ADAMTS5: variants seen among roughly 807,000 people sequenced by gnomAD.
ADAMTS5 encodes the protein A disintegrin and metalloproteinase with thrombospondin motifs 5.
Under a neutral mutation model 81.4 loss-of-function variants are expected in ADAMTS5, and 54 were observed. The observed-to-expected ratio is 0.66, with a 90% CI of 0.53 to 0.83. The LOEUF (loss-of-function observed/expected upper bound fraction) is 0.83, where lower values mean the gene tolerates loss of function less well. Among genes scored for constraint, ADAMTS5 ranks in the 40% least tolerant of loss-of-function variants. The pLI is 0.00. For synonymous variants in ADAMTS5, 532 were observed against 508.8 expected, an observed-to-expected ratio of 1.05 and a Z score of -0.61; for missense variants, 1,194 against 1,229.9, an observed-to-expected ratio of 0.97 and a Z score of 0.44.
In ADAMTS5 at chr21:26,965,915, C is replaced by T. The variant is rs147637613; in HGVS notation, c.477G>A (p.Lys159=). 34 of 1,613,764 alleles carry T rather than the reference C, an allele frequency of 2.1e-5. No homozygotes were observed. The highest frequency in any genetic ancestry group is 1.4e-4 in the South Asian group (13 of 91,088). The change falls in exon 1 of 8, where the codon AAG becomes AAA. Residue 159 remains lysine, a synonymous_variant. Transcript: ENST00000284987. ...GTGGCTTTAGGGTGTAGCGCGCGTG[C>T]TTGACCGCGAAGAAGCCGTCGAGAC... ...CGGLDGFFAV[K]HARYTLKPLL...
Position 26,965,732 on chromosome 21 carries a change from C to T in ADAMTS5, c.660G>A (p.Glu220=). Residue 220 remains glutamate, a synonymous_variant, in exon 1 of 8, where the codon GAG becomes GAA. Coordinates refer to ENST00000284987, the MANE Select transcript of ADAMTS5 (RefSeq NM_007038.5). ...TCGGGTTGCTGTGCGCCGGAGCATGCTCGTGGGCCTCCGGTGTGGACGCGG... is the reference window on the plus strand; with the variant it reads ...TCGGGTTGCTGTGCGCCGGAGCATGTTCGTGGGCCTCCGGTGTGGACGCGG... ...ETPASTPEAH[E]HAPAHSNPSG... The T allele has an allele frequency of 1.3e-6, 2 of 1,592,414 alleles. No homozygotes were observed. Among genetic ancestry groups the T allele is most frequent in the South Asian group, 1.1e-5 (1 of 87,994 alleles).
Position 26,967,039 on chromosome 21 carries a change from C to T in ADAMTS5, c.-648G>A, listed in dbSNP as rs939890708. Reference sequence around the variant, plus strand: ...TCGGCTGCGGTCTCCTCCTGCCCGCCGTCATCCCCAGTCGGCAGCTGCGAG... The same window carrying T: ...TCGGCTGCGGTCTCCTCCTGCCCGCTGTCATCCCCAGTCGGCAGCTGCGAG... On this transcript the variant is annotated 5_prime_UTR_variant, in exon 1 of 8. Transcript: ENST00000284987. Among the ~76,000 whole-genome samples the T allele has an allele frequency of 1.3e-5, 2 of 152,238 alleles. No individual in the cohort carries two copies. Among genetic ancestry groups the T allele is most frequent in the Non-Finnish European group, 2.9e-5 (2 of 68,046 alleles).
chr21:26,932,876 G>A lies in ADAMTS5; in HGVS notation c.1858C>T (p.Pro620Ser), dbSNP rs760080877. The A allele has an allele frequency of 3.2e-5, 51 of 1,611,918 alleles. No individual in the cohort carries two copies. The East Asian group carries it at 1.1e-3, about 34-fold the overall frequency. Residue 620 changes from proline to serine, a missense_variant, in exon 5 of 8, where the codon CCC (proline) becomes TCC (serine). Physicochemically the swap from Pro to Ser is moderately conservative, Grantham distance 74. Coordinates refer to ENST00000284987, the MANE Select transcript of ADAMTS5 (RefSeq NM_007038.5). Reference protein sequence around the residue: ...RAIYRSCSLMPCPPNGKSFRH... With the variant: ...RAIYRSCSLMSCPPNGKSFRH... ...AGCAGCGTACCATTGGGTGGGCAGG[G>A]CATGAGACTGCAGGAGCGGTAGATG...
At chr21:26,936,952 A>G (rs1040298409) in intron 3 of ADAMTS5, among the ~76,000 whole-genome samples, 8 of 152,212 alleles carry the variant, frequency 5.3e-5, no homozygotes, top group African/African-American at 1.9e-4. Flanking sequence ...TGAGTCTGCA[A>G]TAATGTTTTC....
At position 26,923,800 on chromosome 21, in the gene ADAMTS5, T is replaced by G; in HGVS notation, c.*253A>C. 1 of 406,514 alleles carries G rather than the reference T, an allele frequency of 2.5e-6. No individual in the cohort carries two copies. The highest frequency in any genetic ancestry group is 2.0e-5 in the African/African-American group (1 of 51,146). The allele number at this position is 406,514 out of a possible 1,614,324, so 25.2% of individuals were successfully genotyped here. On this transcript the variant is annotated 3_prime_UTR_variant, in exon 8 of 8. Coordinates refer to ENST00000284987, the MANE Select transcript of ADAMTS5 (RefSeq NM_007038.5). ...CAAATGTCCCCTGATTTTACATTCA[T>G]CAGTGTTTCTTGTAAGCCCAGGGGA...
intron 3 of ADAMTS5, among the ~76,000 whole-genome samples, chr21:26,938,754 T>C (rs1987062455): frequency 6.6e-6 from 1 of 152,200 alleles, no homozygotes; most frequent in Non-Finnish European, 1.5e-5. Context: ...GGTTTCAAAC[T>C]CCTGACCTCA....
At position 26,924,458 on chromosome 21, in the gene ADAMTS5, C is replaced by A; in HGVS notation, c.2388G>T (p.Glu796Asp). The A allele has an allele frequency of 2.5e-6, 4 of 1,614,204 alleles. No individual in the cohort carries two copies. The highest frequency in any genetic ancestry group is 3.4e-6 in the Non-Finnish European group (4 of 1,180,036). The change falls in exon 8 of 8, where the codon GAG becomes GAT. Residue 796 changes from glutamate (E) to aspartate (D), a missense_variant. By Grantham distance (45) the Glu-to-Asp change is conservative. Around this residue, in one of 2 missense-constraint regions of ADAMTS5, gnomAD observed 696 missense variants for 817.6 expected, o/e 0.85. Transcript: ENST00000284987. The stretch of plus-strand genomic sequence containing the variant: ...CTGTTCCATTGATGTCAATGATAGT[C>A]TCTGAAGTGGAGATCATGTACTTTC... ...INGKYMISTSETIIDINGTVM... is the reference protein window; with the variant it reads ...INGKYMISTSDTIIDINGTVM...
intron 3 of ADAMTS5, among the ~76,000 whole-genome samples, chr21:26,938,141 G>A (rs1987048507): frequency 6.6e-6 from 1 of 152,042 alleles, no homozygotes; most frequent in South Asian, 2.1e-4. Flanking sequence ...TCGGGAGGGA[G>A]GCTGAGGCAG....
At chr21:26,943,603 T>C in intron 2 of ADAMTS5, 56 bp from the exon 3 acceptor site, 1 of 1,519,296 alleles carries the variant, frequency 6.6e-7, no homozygotes, top group Non-Finnish European at 9.0e-7. Context: ...TTTCTATCTT[T>C]CCATGACAAT....
chr21:26,957,985 A>G (rs937789878), intron 1 of ADAMTS5, among the ~76,000 whole-genome samples: 1 of 152,132 alleles, frequency 6.6e-6, no homozygotes, highest in Non-Finnish European at 1.5e-5. Flanking sequence ...GGGATGGGGG[A>G]CAGGGAGCCA....
chr21:26,931,108 G>A (rs567695005), intron 6 of ADAMTS5, among the ~76,000 whole-genome samples: 101 of 152,082 alleles, frequency 6.6e-4, no homozygotes, highest in African/African-American at 1.7e-3. Flanking sequence ...GTGCAGTGGC[G>A]TGATCTCGGC....
intron 7 of ADAMTS5, among the ~76,000 whole-genome samples, chr21:26,927,185 T>A (rs2830582): frequency 0.063 from 9,601 of 152,260 alleles, 647 homozygotes; most frequent in African/African-American, 0.17. Context: ...TTCAGGGCTA[T>A]CTGCACAGTG....
In ADAMTS5 at chr21:26,923,929, G is replaced by T; in HGVS notation, c.*124C>A. 1 of 997,600 alleles carries T rather than the reference G, an allele frequency of 1.0e-6. No individual in the cohort carries two copies. The highest frequency in any genetic ancestry group is 1.4e-6 in the Non-Finnish European group (1 of 699,306). The allele number at this position is 997,600 out of a possible 1,614,324, so 61.8% of individuals were successfully genotyped here. On this transcript the variant is annotated 3_prime_UTR_variant, in exon 8 of 8. Transcript: ENST00000284987. ...CAGAGAGCAGATTCTGCCCATAATT[G>T]GACTCCTGTTGACAATGTCACTGAA...
At chr21:26,933,536 C>T (rs162498) in intron 4 of ADAMTS5, among the ~76,000 whole-genome samples, 38,487 of 152,142 alleles carry the variant, frequency 0.25, 5,722 homozygotes, top group Non-Finnish European at 0.34. Flanking sequence ...TGTCTGTGAC[C>T]GACTCCATGA....
intron 3 of ADAMTS5, among the ~76,000 whole-genome samples, chr21:26,938,461 C>G (rs1419385234): frequency 6.6e-6 from 1 of 152,170 alleles, no homozygotes; most frequent in Non-Finnish European, 1.5e-5. Context: ...ACAGAAAAAT[C>G]TCTAGTTTCA....
rs367555374 is a variant in ADAMTS5 at position 26,933,053 on chromosome 21, G to C, written c.1690-9C>G. On this transcript the variant is annotated splice_polypyrimidine_tract_variant and intron_variant, in intron 4 of 7. Transcript: ENST00000284987. ...TTGCCATGGCTTGACGTCTGAAATA[G>C]AGAATAGAATATATTTTAACTCCAA... 3.3e-5 allele frequency: 53 copies of C among 1,608,836 alleles called. No homozygotes were observed. The highest frequency in any genetic ancestry group is 4.5e-5 in the Non-Finnish European group (53 of 1,178,146).
rs1471956266 is a variant in ADAMTS5 at position 26,921,407 on chromosome 21, G to A, written c.*2646C>T. ...ATGGAGTGCTTAGTTATGTAAGTGAGATTAGATTCTTACAAACCTGAGCAT... is the reference window on the plus strand; with the variant it reads ...ATGGAGTGCTTAGTTATGTAAGTGAAATTAGATTCTTACAAACCTGAGCAT... On this transcript the variant is annotated 3_prime_UTR_variant, in exon 8 of 8. Transcript: ENST00000284987. The A allele has an allele frequency of 6.7e-6, 1 of 149,002 alleles. No homozygotes were observed. The highest frequency in any genetic ancestry group is 1.5e-5 in the Non-Finnish European group (1 of 67,314). The allele number at this position is 149,002 out of a possible 1,614,324, so 9.2% of individuals were successfully genotyped here. A position where few individuals can be genotyped will look rare whatever the true frequency, so the allele number is the denominator to read the frequency against.
chr21:26,943,612 A>G (rs1034930475), intron 2 of ADAMTS5, 65 bp from the exon 3 acceptor site: 2 of 1,478,866 alleles, frequency 1.4e-6, no homozygotes, highest in African/African-American at 2.8e-5. Flanking sequence ...TTCCATGACA[A>G]TTATGCTAGG....
chr21:26,966,524 AG>A lies in ADAMTS5; in HGVS notation c.-134del, dbSNP rs1987679836. ...CAGGATTGAGTCAAGTGTCGGAGGG[AG>A]GGGGGCCCGGCAGCAGCGCCAGCCT... is the stretch of plus-strand genomic sequence containing the variant. On this transcript the variant is annotated 5_prime_UTR_variant, in exon 1 of 8. Transcript: ENST00000284987. 1.4e-5 allele frequency: 11 copies of A among 800,770 alleles called. No homozygotes were observed. The highest frequency in any genetic ancestry group is 4.2e-4 in the Middle Eastern group (1 of 2,400). 49.6% of individuals were successfully genotyped at this position (800,770 alleles called of 1,614,324 possible).
Sources: gnomAD v4.1 joint callset for allele counts (sites outside exome capture counted in the v4.1 genomes callset) on GRCh38, gnomAD v4.1.1 for gene constraint, gnomAD v4.1.1 regional missense constraint, MANE v1.5 for transcripts, NCBI Gene and HGNC (gene_info 2026-07-23, HGNC 2026-07-21) for gene names.